SORCS1: variants seen among roughly 807,000 people sequenced by gnomAD.
The protein encoded by SORCS1 is sortilin related VPS10 domain containing receptor 1, also known as VPS10 domain-containing receptor SorCS1.
SORCS1 carries 60 observed loss-of-function variants against 146.1 expected under a neutral mutation model. The ratio of observed to expected loss-of-function variants is 0.41; its 90% CI spans 0.33 to 0.51. SORCS1 has a LOEUF of 0.51. Among genes scored for constraint, SORCS1 ranks in the 20% least tolerant of loss-of-function variants. The pLI, the probability that SORCS1 is intolerant of heterozygous loss-of-function variation, is 0.21. For missense variants in SORCS1, 1,352 were observed against 1,487.6 expected, an observed-to-expected ratio of 0.91 and a Z score of 1.50; for synonymous variants, 637 against 584.0, an observed-to-expected ratio of 1.09 and a Z score of -1.31.
In SORCS1 at chr10:107,060,867, C is replaced by T. The variant is rs949459022; in HGVS notation, c.558+103102G>A. 6.6e-6 allele frequency among the ~76,000 whole-genome samples: 1 copy of T among 151,996 alleles called. No homozygotes were observed. Among genetic ancestry groups the T allele is most frequent in the Non-Finnish European group, 1.5e-5 (1 of 68,018 alleles). ...TTAGTTAATTTTATTGAATCACAAG[C>T]CTCTAAACTAATGTCTTAAAAATTC... On this transcript the variant is annotated intron_variant, in intron 1 of 25. Transcript: ENST00000263054. This position sits in a 1 kb window ranked among gnomAD's most constrained non-coding sequence, Gnocchi z 4.1.
At chr10:106,834,082 C>T (rs989269860) in intron 2 of SORCS1, among the ~76,000 whole-genome samples, 3 of 152,132 alleles carry the variant, frequency 2.0e-5, no homozygotes, top group African/African-American at 7.2e-5. Flanking sequence ...CATGAGCCAC[C>T]ACGCCCGGTC....
rs138157941 is a variant in SORCS1, at chr10:106,632,395, G to A, written c.2476-3007C>T. On this transcript the variant is annotated intron_variant, in intron 18 of 25. Transcript: ENST00000263054. ...GCTACGGCCACTGTAACAGCTTCAC[G>A]CTGGGGCTCATCTGTCATCAGATTC... Among the ~76,000 whole-genome samples, 59 of 152,276 alleles carry A rather than the reference G, an allele frequency of 3.9e-4. No individual in the cohort carries two copies. In the East Asian group the frequency reaches 9.8e-3, roughly 25 times the overall value.
chr10:106,983,177 T>C (rs1405314650), intron 1 of SORCS1, among the ~76,000 whole-genome samples: 1 of 143,144 alleles, frequency 7.0e-6, no homozygotes, highest in African/African-American at 2.7e-5. Flanking sequence ...TATATAAATA[T>C]ACATATTTCT....
intron 18 of SORCS1, among the ~76,000 whole-genome samples, chr10:106,651,634 C>T (rs571383899): frequency 1.3e-5 from 2 of 152,226 alleles, no homozygotes; most frequent in Admixed American, 6.5e-5. Flanking sequence ...ACAATGATAA[C>T]CATAATTAGG....
At position 106,623,859 on chromosome 10, in the gene SORCS1, T is replaced by C. The variant is rs563598427; in HGVS notation, c.2663-3298A>G. On this transcript the variant is annotated intron_variant, in intron 19 of 25. Transcript: ENST00000263054. ...TTTCGACATCCGGCTAATTTTTGTA[T>C]TTTTAGTAGGTACGGACTTTCACCA... is the stretch of plus-strand genomic sequence containing the variant. 4.6e-5 allele frequency among the ~76,000 whole-genome samples: 7 copies of C among 152,010 alleles called. No homozygotes were observed. In the East Asian group the frequency reaches 9.8e-4, roughly 21 times the overall value.
chr10:107,013,020 A>G (rs1047083757), intron 1 of SORCS1, among the ~76,000 whole-genome samples: 8 of 152,012 alleles, frequency 5.3e-5, no homozygotes, highest in Admixed American at 5.2e-4. Context: ...AATGTGTCCA[A>G]TTTTCTCCCT....
At chr10:106,990,514 C>T (rs7893822) in intron 1 of SORCS1, among the ~76,000 whole-genome samples, 7,409 of 152,238 alleles carry the variant, frequency 0.049, 590 homozygotes, top group African/African-American at 0.17. Flanking sequence ...AAGTGATCTG[C>T]CTGCCTCAGC....
chr10:107,062,742 C>G (rs1489081371), intron 1 of SORCS1, among the ~76,000 whole-genome samples: 1 of 152,100 alleles, frequency 6.6e-6, no homozygotes, highest in Non-Finnish European at 1.5e-5. Flanking sequence ...CTCCTTTCCT[C>G]TTACGTCAGT....
At chr10:107,082,297 G>A (rs1025825274) in intron 1 of SORCS1, among the ~76,000 whole-genome samples, 4 of 152,092 alleles carry the variant, frequency 2.6e-5, no homozygotes, top group African/African-American at 9.7e-5. Context: ...TCTTTAAGAG[G>A]AGATTTTTGT....
Position 106,577,342 on chromosome 10 carries a change from T to A in SORCS1, c.*78A>T. On this transcript the variant is annotated 3_prime_UTR_variant, in exon 26 of 26. Transcript: ENST00000263054. ...AAGAAAAAAAACACAAAGTTAGTGG[T>A]CATGAAGGATGATGTACTTGACAAG... The A allele has an allele frequency of 6.2e-7, 1 of 1,611,636 alleles. No homozygotes were observed. Among genetic ancestry groups the A allele is most frequent in the South Asian group, 1.1e-5 (1 of 90,474 alleles).
chr10:107,163,325 T>A (rs1969847191), intron 1 of SORCS1, among the ~76,000 whole-genome samples: 1 of 152,202 alleles, frequency 6.6e-6, no homozygotes, highest in Admixed American at 6.5e-5. Context: ...ATTCACGGGC[T>A]GGAAAGCCCC....
At chr10:106,788,765 C>T (rs778637421) in intron 3 of SORCS1, among the ~76,000 whole-genome samples, 10 of 152,176 alleles carry the variant, frequency 6.6e-5, no homozygotes, top group Non-Finnish European at 1.5e-4. Flanking sequence ...GTGGCTTTTC[C>T]AGGGGCACAG....
intron 1 of SORCS1, among the ~76,000 whole-genome samples, chr10:106,967,411 C>A (rs545326854): frequency 4.6e-5 from 7 of 151,572 alleles, no homozygotes; most frequent in South Asian, 2.1e-4. Context: ...TAGAAAAAAA[C>A]CAAATAGCTG....
At chr10:106,642,807 G>A (rs1408859445) in intron 18 of SORCS1, among the ~76,000 whole-genome samples, 3 of 152,130 alleles carry the variant, frequency 2.0e-5, no homozygotes, top group Non-Finnish European at 4.4e-5. Context: ...AGAGGATTTC[G>A]CATCTCTCTT....
At chr10:107,177,110 T>C in the SORCS1 span, among the ~76,000 whole-genome samples, 7 of 152,184 alleles carry the variant, frequency 4.6e-5, no homozygotes, top group Non-Finnish European at 7.4e-5. Context: ...CTTTATGTTA[T>C]TTTTTGCCTA....
chr10:106,970,336 C>CTTTTTTTTTTTTT lies in SORCS1; in HGVS notation c.559-13769_559-13757dup, dbSNP rs766818370. On this transcript the variant is annotated intron_variant, in intron 1 of 25. Transcript: ENST00000263054. ...TTCCCTCCAAATGTAACCAACATCT[C>CTTTTTTTTTTTTT]TTTTTTTTTTTTTTTTTTTGAGATG... Among the ~76,000 whole-genome samples, 827 of 89,354 alleles carry CTTTTTTTTTTTTT rather than the reference C, an allele frequency of 9.3e-3. 94 individuals carry two copies. Among genetic ancestry groups the CTTTTTTTTTTTTT allele is most frequent in the South Asian group, 0.016 (40 of 2,516 alleles). The allele number at this position is 89,354 out of a possible 152,430, so 58.6% of individuals were successfully genotyped here.
intron 5 of SORCS1, among the ~76,000 whole-genome samples, chr10:106,735,128 A>G (rs1349206402): frequency 7.2e-6 from 1 of 138,132 alleles, no homozygotes; most frequent in Non-Finnish European, 1.5e-5. Context: ...GCTGGGCGAC[A>G]AGAGCGAGAC....
At chr10:107,141,784 T>A (rs889357830) in intron 1 of SORCS1, among the ~76,000 whole-genome samples, 7 of 152,172 alleles carry the variant, frequency 4.6e-5, no homozygotes, top group African/African-American at 9.7e-5. Flanking sequence ...CCCAGCACAG[T>A]CCCAGCAGTA....
chr10:107,045,268 T>C (rs1959270984), intron 1 of SORCS1, among the ~76,000 whole-genome samples: 1 of 152,172 alleles, frequency 6.6e-6, no homozygotes, highest in African/African-American at 2.4e-5. Flanking sequence ...CTGATTTCAT[T>C]ATAAGGGTCC....
Sources: gnomAD v4.1 joint callset for allele counts (sites outside exome capture counted in the v4.1 genomes callset) on GRCh38, gnomAD v4.1.1 for gene constraint, Gnocchi (gnomAD v3.1) non-coding constraint, MANE v1.5 for transcripts, NCBI Gene and HGNC (gene_info 2026-07-23, HGNC 2026-07-21) for gene names.